CDK19: variants seen among roughly 807,000 people sequenced by gnomAD.
CDK19 encodes cyclin dependent kinase 19, also known as cyclin-dependent kinase 19.
Under a neutral mutation model 68.3 loss-of-function variants are expected in CDK19, and 20 were observed. That is an observed-to-expected ratio of 0.29 (90% CI 0.21 to 0.43). The LOEUF (loss-of-function observed/expected upper bound fraction) is 0.43, where lower values mean the gene tolerates loss of function less well. Ranked by LOEUF, CDK19 falls within the 20% of genes least tolerant of loss-of-function variation. The pLI, the probability that CDK19 is intolerant of heterozygous loss-of-function variation, is 1.00. For synonymous variants in CDK19, 221 were observed against 222.8 expected (o/e 0.99, Z 0.07); for missense variants, 339 against 623.5 (o/e 0.54, Z 4.86).
At chr6:110,649,386 A>G (rs1194678864) in intron 4 of CDK19, among the ~76,000 whole-genome samples, 1 of 152,178 alleles carries the variant, frequency 6.6e-6, no homozygotes, top group Non-Finnish European at 1.5e-5. Context: ...AAAAAAGTAA[A>G]TGTGAAAAAG....
At chr6:110,739,161 G>A (rs576478937) in intron 2 of CDK19, among the ~76,000 whole-genome samples, 5 of 152,234 alleles carry the variant, frequency 3.3e-5, no homozygotes, top group South Asian at 4.1e-4. Flanking sequence ...TCCCAAATTC[G>A]TATGTTGAAA....
intron 1 of CDK19, among the ~76,000 whole-genome samples, chr6:110,792,184 T>C (rs1281097294): frequency 6.6e-6 from 1 of 151,606 alleles, no homozygotes; most frequent in Non-Finnish European, 1.5e-5. Flanking sequence ...TTGGCCAGGA[T>C]GGTCTCGATC....
At chr6:110,752,926 T>C (rs1030211069) in intron 1 of CDK19, among the ~76,000 whole-genome samples, 2 of 152,176 alleles carry the variant, frequency 1.3e-5, no homozygotes, top group Admixed American at 6.5e-5. Context: ...TTTTTGGTTT[T>C]TTATTTGTTT....
intron 1 of CDK19, among the ~76,000 whole-genome samples, chr6:110,797,304 C>T (rs1354196926): frequency 6.6e-6 from 1 of 151,844 alleles, no homozygotes. Context: ...CGCGCCACTG[C>T]ACTCCAGCCT....
At chr6:110,780,462 A>G (rs1449141156) in intron 1 of CDK19, among the ~76,000 whole-genome samples, 1 of 150,246 alleles carries the variant, frequency 6.7e-6, no homozygotes, top group South Asian at 2.1e-4. Context: ...ATCAAGGTAT[A>G]TATCAGAAGA....
intron 4 of CDK19, 137 bp from the exon 5 acceptor site, chr6:110,638,843 C>T (rs1779948679): frequency 1.7e-6 from 1 of 584,276 alleles, no homozygotes; most frequent in Non-Finnish European, 3.0e-6. Context: ...GCACCCTCTA[C>T]ATAGTTAAAG....
chr6:110,626,239 A>G (rs750847143), intron 8 of CDK19, among the ~76,000 whole-genome samples: 5 of 152,234 alleles, frequency 3.3e-5, no homozygotes, highest in African/African-American at 4.8e-5. Context: ...CCTGAACTAT[A>G]TATGTTAACA....
chr6:110,693,277 G>C (rs1041723721), intron 2 of CDK19, among the ~76,000 whole-genome samples: 2 of 152,180 alleles, frequency 1.3e-5, no homozygotes, highest in Non-Finnish European at 2.9e-5. Context: ...TGTGAGAGAG[G>C]GAAAAGTCTG....
At chr6:110,790,956 G>A (rs930677976) in intron 1 of CDK19, among the ~76,000 whole-genome samples, 6 of 152,156 alleles carry the variant, frequency 3.9e-5, no homozygotes, top group Admixed American at 3.3e-4. Flanking sequence ...TGGATCACGA[G>A]GTCAGGAGTT....
chr6:110,752,453 A>G (rs1456958070), intron 1 of CDK19, among the ~76,000 whole-genome samples: 1 of 152,230 alleles, frequency 6.6e-6, no homozygotes, highest in Non-Finnish European at 1.5e-5. Context: ...ATCTTCCAAC[A>G]TAAGGTACTG....
At chr6:110,650,346 C>A (rs528298200) in intron 4 of CDK19, among the ~76,000 whole-genome samples, 58 of 152,090 alleles carry the variant, frequency 3.8e-4, no homozygotes, top group Non-Finnish European at 7.1e-4. Flanking sequence ...TGGTAATCTT[C>A]CACTTACTGG....
intron 2 of CDK19, 43 bp from the exon 3 acceptor site, chr6:110,670,584 G>A (rs1344427542): frequency 8.8e-7 from 1 of 1,138,140 alleles, no homozygotes; most frequent in Non-Finnish European, 1.3e-6. Context: ...GTGTTAGCAA[G>A]GAGGGGGAAA....
At chr6:110,737,156 G>A (rs893117024) in intron 2 of CDK19, among the ~76,000 whole-genome samples, 6 of 152,196 alleles carry the variant, frequency 3.9e-5, no homozygotes, top group Middle Eastern at 3.4e-3. Context: ...TTAGGGTGGC[G>A]GAAATGGAAA....
At chr6:110,685,822 T>C (rs1370488606) in intron 2 of CDK19, among the ~76,000 whole-genome samples, 6 of 152,302 alleles carry the variant, frequency 3.9e-5, no homozygotes, top group African/African-American at 1.2e-4. Context: ...AAAACTATAC[T>C]GTAAAGATTT....
Position 110,815,287 on chromosome 6 carries a change from C to A in CDK19, c.-151G>T. 1.1e-6 allele frequency: 1 copy of A among 896,062 alleles called. No homozygotes were observed. Among genetic ancestry groups the A allele is most frequent in the African/African-American group, 1.8e-5 (1 of 56,162 alleles). 55.5% of individuals were successfully genotyped at this position (896,062 alleles called of 1,614,324 possible). A position where few individuals can be genotyped will look rare whatever the true frequency, so the allele number is the denominator to read the frequency against. On this transcript the variant is annotated 5_prime_UTR_variant, in exon 1 of 13. Transcript: ENST00000368911. ...CCGCCGCCCGCCGCTCCGCGGTCCG[C>A]CTTCAGCAAGGGACTCCTCGGCGGC...
Position 110,621,497 on chromosome 6 carries a change from T to G in CDK19, c.1111-127A>C. 1 of 894,404 alleles carries G rather than the reference T, an allele frequency of 1.1e-6. No individual in the cohort carries two copies. Among genetic ancestry groups the G allele is most frequent in the Non-Finnish European group, 1.7e-6 (1 of 588,024 alleles). The allele number at this position is 894,404 out of a possible 1,614,324, so 55.4% of individuals were successfully genotyped here. A position where few individuals can be genotyped will look rare whatever the true frequency, so the allele number is the denominator to read the frequency against. On this transcript the variant is annotated intron_variant, in intron 11 of 12. Transcript: ENST00000368911. This position sits in a 1 kb window ranked among gnomAD's most constrained non-coding sequence, Gnocchi z 5.4. ...CAATCTATGTGGGACACTAGAGTGA[T>G]GGGGAGGACTGGAGAATGGAGCAGC... is the stretch of plus-strand genomic sequence containing the variant.
At chr6:110,634,102 T>C (rs1172339178) in intron 5 of CDK19, among the ~76,000 whole-genome samples, 2 of 152,228 alleles carry the variant, frequency 1.3e-5, no homozygotes, top group Non-Finnish European at 2.9e-5. Context: ...AACCACAGAA[T>C]GTCATTTAAT....
At chr6:110,781,003 T>G (rs939502956) in intron 1 of CDK19, among the ~76,000 whole-genome samples, 3 of 152,208 alleles carry the variant, frequency 2.0e-5, no homozygotes, top group African/African-American at 7.2e-5. Context: ...CATAGCATTA[T>G]GTAGTTCTTT....
intron 2 of CDK19, among the ~76,000 whole-genome samples, chr6:110,724,725 T>C (rs1020781670): frequency 4.6e-5 from 7 of 152,082 alleles, no homozygotes; most frequent in African/African-American, 1.7e-4. Flanking sequence ...CGGTGAATCT[T>C]CAACTATTAC....
Sources: allele counts gnomAD v4.1 joint callset (sites outside exome capture counted in the v4.1 genomes callset), GRCh38; gene constraint gnomAD v4.1.1; non-coding constraint Gnocchi (gnomAD v3.1); transcripts MANE v1.5; gene names NCBI Gene and HGNC (gene_info 2026-07-23, HGNC 2026-07-21).